The following TLN2 variants were observed in gnomAD, a reference collection of about 807,000 sequenced individuals.
The protein encoded by TLN2 is talin 2, also known as talin-2.
In TLN2, 118 loss-of-function variants were observed where a neutral mutation model predicts 294.7. That is an observed-to-expected ratio of 0.40 (90% CI 0.34 to 0.47). TLN2 has a LOEUF of 0.47. Among genes scored for constraint, TLN2 ranks in the 20% least tolerant of loss-of-function variants. The probability of loss-of-function intolerance (pLI) is 0.84; values close to 1 mark genes in which losing one functional copy is unlikely to be tolerated. For synonymous variants in TLN2, 1,431 were observed against 1,304.5 expected (o/e 1.10, Z -2.09); for missense variants, 3,083 against 3,282.2 (o/e 0.94, Z 1.48).
At chr15:62,693,861 A>G (rs1047784217) in intron 13 of TLN2, among the ~76,000 whole-genome samples, 1 of 151,916 alleles carries the variant, frequency 6.6e-6, no homozygotes, top group Non-Finnish European at 1.5e-5. Flanking sequence ...AATATCCAGT[A>G]TAAAGAATTT....
intron 3 of TLN2, chr15:62,640,205 G>A: frequency 1.1e-5 from 5 of 456,074 alleles, no homozygotes; most frequent in South Asian, 6.2e-5. Context: ...AGACAGGTAG[G>A]GAGTGGAGAA....
intron 1 of TLN2, among the ~76,000 whole-genome samples, chr15:62,460,451 C>T (rs942970743): frequency 1.3e-5 from 2 of 152,016 alleles, no homozygotes; most frequent in African/African-American, 2.4e-5. Context: ...TTAGTAGAGA[C>T]GGGGTTTCTC....
chr15:62,819,670 G>T, intron 53 of TLN2, 49 bp downstream of exon 53: 1 of 1,521,650 alleles, frequency 6.6e-7, no homozygotes, highest in Non-Finnish European at 9.0e-7. Flanking sequence ...CCCAGGCAGT[G>T]CTAATACAGC....
intron 1 of TLN2, among the ~76,000 whole-genome samples, chr15:62,448,606 A>G (rs1485857355): frequency 6.6e-6 from 1 of 152,260 alleles, no homozygotes; most frequent in Non-Finnish European, 1.5e-5. Context: ...AGGGAAAGAC[A>G]TTGACGTTGT....
intron 46 of TLN2, among the ~76,000 whole-genome samples, chr15:62,794,828 T>C (rs542420202): frequency 3.6e-4 from 55 of 152,320 alleles, no homozygotes; most frequent in African/African-American, 1.3e-3. Context: ...ACTCCATGCC[T>C]CTTGCTGGCA....
intron 28 of TLN2, among the ~76,000 whole-genome samples, chr15:62,731,672 T>C (rs888589657): frequency 6.6e-6 from 1 of 152,204 alleles, no homozygotes; most frequent in African/African-American, 2.4e-5. Flanking sequence ...TTCTTGGCAA[T>C]AGGTTACAAA....
At chr15:62,410,297 C>T (rs1011365062) in intron 1 of TLN2, among the ~76,000 whole-genome samples, 1 of 151,876 alleles carries the variant, frequency 6.6e-6, no homozygotes, top group African/African-American at 2.4e-5. Context: ...GTCTTTGGGT[C>T]ATATATACTC....
At chr15:62,434,867 C>T (rs879641270) in intron 1 of TLN2, among the ~76,000 whole-genome samples, 181 of 152,302 alleles carry the variant, frequency 1.2e-3, no homozygotes, top group Middle Eastern at 0.01. Flanking sequence ...CAGATCAACC[C>T]ATCACCTAGG....
chr15:62,740,417 C>A (rs2061262034), intron 31 of TLN2: 4 of 540,516 alleles, frequency 7.4e-6, no homozygotes, highest in Non-Finnish European at 9.6e-6. Flanking sequence ...GGATTTCTTT[C>A]CCTGTGGCAT....
chr15:62,799,932 A>G (rs559224809), intron 48 of TLN2, among the ~76,000 whole-genome samples: 1 of 149,472 alleles, frequency 6.7e-6, no homozygotes, highest in East Asian at 1.9e-4. Flanking sequence ...GTGTGCCTGT[A>G]GCAGAGCACC....
intron 1 of TLN2, among the ~76,000 whole-genome samples, chr15:62,453,208 T>C (rs1403953100): frequency 6.6e-6 from 1 of 151,282 alleles, no homozygotes; most frequent in South Asian, 2.1e-4. Context: ...TTTTGGGAGA[T>C]GGGCAGATTT....
chr15:62,609,068 G>A (rs914350341), intron 2 of TLN2, among the ~76,000 whole-genome samples: 10 of 152,040 alleles, frequency 6.6e-5, no homozygotes, highest in African/African-American at 2.4e-4. Context: ...GTGGGGTTAC[G>A]TTAGGGATAG....
intron 1 of TLN2, among the ~76,000 whole-genome samples, chr15:62,460,564 T>C (rs895696284): frequency 2.6e-5 from 4 of 152,100 alleles, no homozygotes; most frequent in African/African-American, 9.7e-5. Context: ...TGCCCGGCAC[T>C]AGCCACGTGG....
At chr15:62,556,493 TG>T (rs2042613675) in intron 1 of TLN2, among the ~76,000 whole-genome samples, 1 of 151,832 alleles carries the variant, frequency 6.6e-6, no homozygotes, top group Non-Finnish European at 1.5e-5. Flanking sequence ...CTTTTTTTTT[TG>T]TAGAGATGGA....
At chr15:62,548,410 T>C (rs1392172057) in intron 1 of TLN2, among the ~76,000 whole-genome samples, 1 of 152,144 alleles carries the variant, frequency 6.6e-6, no homozygotes, top group African/African-American at 2.4e-5. Context: ...AAACCCCAAA[T>C]TGGCTTAAAC....
chr15:62,756,461 C>G (rs547319496), intron 37 of TLN2, among the ~76,000 whole-genome samples: 2 of 152,102 alleles, frequency 1.3e-5, no homozygotes, highest in African/African-American at 4.8e-5. Flanking sequence ...GACAACAGAC[C>G]GCAGGCAGAA....
intron 20 of TLN2, among the ~76,000 whole-genome samples, chr15:62,707,804 A>G (rs2059161931): frequency 6.6e-6 from 1 of 152,088 alleles, no homozygotes; most frequent in Non-Finnish European, 1.5e-5. Context: ...CAGAAGTAGT[A>G]AGTGGCAGAA....
chr15:62,433,735 C>T (rs1473296310), intron 1 of TLN2, among the ~76,000 whole-genome samples: 1 of 152,230 alleles, frequency 6.6e-6, no homozygotes, highest in East Asian at 1.9e-4. Flanking sequence ...TGAATCGAGT[C>T]TCCTGTCCAG....
intron 19 of TLN2, among the ~76,000 whole-genome samples, chr15:62,703,896 G>C (rs572614055): frequency 6.6e-6 from 1 of 152,182 alleles, no homozygotes; most frequent in East Asian, 1.9e-4. Flanking sequence ...AGGGTGGGGC[G>C]CAGAGGCCTG....
Sources: allele counts gnomAD v4.1 joint callset (sites outside exome capture counted in the v4.1 genomes callset), GRCh38; gene constraint gnomAD v4.1.1; transcripts MANE v1.5; gene names NCBI Gene and HGNC (gene_info 2026-07-23, HGNC 2026-07-21).